The following SCML2 variants were observed in gnomAD, a reference collection of about 807,000 sequenced individuals.
SCML2 encodes the protein sex comb on midleg-like protein 2.
A neutral mutation model predicts 48.4 loss-of-function variants in SCML2; 6 were observed. The ratio of observed to expected loss-of-function variants is 0.12; its 90% CI spans 0.07 to 0.24. The LOEUF (loss-of-function observed/expected upper bound fraction) is 0.24. Among genes scored for constraint, SCML2 ranks in the 10% least tolerant of loss-of-function variants. The pLI, the probability that SCML2 is intolerant of heterozygous loss-of-function variation, is 1.00. For missense variants in SCML2, 377 were observed against 528.2 expected, an observed-to-expected ratio of 0.71 and a Z score of 2.81; for synonymous variants, 181 against 189.5, an observed-to-expected ratio of 0.95 and a Z score of 0.37.
At chrX:18,285,393 T>C (rs1376016474) in intron 7 of SCML2, among the ~76,000 whole-genome samples, 1 of 108,559 alleles carries the variant, frequency 9.2e-6, no homozygotes, top group African/African-American at 3.4e-5. Context: ...TGGAATCATA[T>C]CCTTTGCAGC....
chrX:18,307,218 T>C (rs2147524523), intron 6 of SCML2, among the ~76,000 whole-genome samples: 1 of 108,699 alleles, frequency 9.2e-6, no homozygotes. Context: ...CCGGAAGTCA[T>C]CCAGGCCGCG....
chrX:18,304,515 T>C (rs1182031411), intron 7 of SCML2, among the ~76,000 whole-genome samples: 1 of 112,247 alleles, frequency 8.9e-6, no homozygotes, highest in Non-Finnish European at 1.9e-5. Context: ...CTTAAGGCTA[T>C]CAAAGTGTCA....
At chrX:18,319,700 C>G in intron 6 of SCML2, among the ~76,000 whole-genome samples, 1 of 110,892 alleles carries the variant, frequency 9.0e-6, no homozygotes, top group Middle Eastern at 4.7e-3. Context: ...GCTATTGTTA[C>G]GAATTTAATT....
At chrX:18,343,844 G>A (rs1340498404) in intron 1 of SCML2, among the ~76,000 whole-genome samples, 5 of 102,225 alleles carry the variant, frequency 4.9e-5, no homozygotes, top group Admixed American at 3.2e-4. Flanking sequence ...CAGCACTATG[G>A]GAGGCTGAGG....
intron 7 of SCML2, among the ~76,000 whole-genome samples, chrX:18,270,227 C>T (rs2147486744): frequency 9.1e-6 from 1 of 109,981 alleles, no homozygotes; most frequent in South Asian, 3.9e-4. Context: ...TGGGTTTCAC[C>T]ATGTTAGTCA....
At chrX:18,287,129 C>T (rs1928080948) in intron 7 of SCML2, among the ~76,000 whole-genome samples, 1 of 111,500 alleles carries the variant, frequency 9.0e-6, no homozygotes, top group Non-Finnish European at 1.9e-5. Flanking sequence ...ATCAGTTTTA[C>T]AGTATTAAAA....
At chrX:18,285,125 C>A (rs942892628) in intron 7 of SCML2, among the ~76,000 whole-genome samples, 1 of 110,124 alleles carries the variant, frequency 9.1e-6, no homozygotes, top group African/African-American at 3.3e-5. Context: ...TAAATTAGTT[C>A]AGCCATTGTG....
At chrX:18,298,676 G>T (rs1282552193) in intron 7 of SCML2, among the ~76,000 whole-genome samples, 2 of 110,789 alleles carry the variant, frequency 1.8e-5, no homozygotes, top group Admixed American at 1.9e-4. Flanking sequence ...GGCCAACATG[G>T]GGAAACCCCG....
intron 3 of SCML2, among the ~76,000 whole-genome samples, chrX:18,329,770 T>C (rs1054206745): frequency 8.9e-6 from 1 of 112,600 alleles, no homozygotes; most frequent in South Asian, 3.7e-4. Flanking sequence ...ACTATCATTA[T>C]CCCTGTGTTA....
chrX:18,259,408 A>G (rs1336669867), intron 9 of SCML2, among the ~76,000 whole-genome samples: 1 of 112,267 alleles, frequency 8.9e-6, no homozygotes, highest in Non-Finnish European at 1.9e-5. Context: ...TATTTAGTAT[A>G]AGAAAACTGA....
At chrX:18,261,176 ATT>A (rs746249261) in intron 8 of SCML2, among the ~76,000 whole-genome samples, 2 of 100,828 alleles carry the variant, frequency 2.0e-5, no homozygotes, top group Non-Finnish European at 2.0e-5. Context: ...AAAAAATGTG[ATT>A]TTTTTTTTTT....
rs201778845 is a variant in SCML2 at position 18,328,103 on chromosome X, CT to C, written c.91+2483del. ...TATTCACATGTGCCCATGGTCTCTTCTTTTTTTATTTGTACTCTATTCTAGT... is the reference window on the plus strand; with the variant it reads ...TATTCACATGTGCCCATGGTCTCTTCTTTTTTATTTGTACTCTATTCTAGT... On this transcript the variant is annotated intron_variant, in intron 3 of 14. Transcript: ENST00000251900. 5.7e-3 allele frequency among the ~76,000 whole-genome samples: 636 copies of C among 111,156 alleles called. 3 individuals are homozygous for C. Among genetic ancestry groups the C allele is most frequent in the African/African-American group, 0.019 (587 of 30,554 alleles).
chrX:18,315,937 G>A (rs754312371), intron 6 of SCML2, among the ~76,000 whole-genome samples: 1 of 108,942 alleles, frequency 9.2e-6, no homozygotes, highest in Non-Finnish European at 1.9e-5. Flanking sequence ...TGTTATTTTA[G>A]GTTGACAGTC....
chrX:18,344,856 T>C, intron 1 of SCML2, among the ~76,000 whole-genome samples: 1 of 111,359 alleles, frequency 9.0e-6, no homozygotes, highest in Non-Finnish European at 1.9e-5. Flanking sequence ...AACGGATCCA[T>C]GAGGGCAGGA....
chrX:18,354,415 G>A (rs1230520152), intron 1 of SCML2, among the ~76,000 whole-genome samples, 177 bp downstream of exon 1: 1 of 111,804 alleles, frequency 8.9e-6, no homozygotes, highest in African/African-American at 3.2e-5. Context: ...GGCGCCGGGG[G>A]CGGGATACCC....
intron 7 of SCML2, among the ~76,000 whole-genome samples, chrX:18,283,006 C>T (rs764828211): frequency 3.7e-4 from 41 of 111,023 alleles, no homozygotes; most frequent in Non-Finnish European, 6.4e-4. Flanking sequence ...GAAAAAAAAA[C>T]TTCAGGCCAC....
At chrX:18,341,329 G>A (rs182636376) in intron 1 of SCML2, 150 of 411,831 alleles carry the variant, frequency 3.6e-4, no homozygotes, top group African/African-American at 3.4e-3. Context: ...AGCAGGAGAA[G>A]CGGGTGAAAT....
rs1311956710 is a variant in SCML2 at position 18,258,091 on chromosome X, A to G, written c.1226T>C (p.Val409Ala). 1 of 1,208,481 alleles carries G rather than the reference A, an allele frequency of 8.3e-7. No homozygotes were observed. The highest frequency in any genetic ancestry group is 1.8e-5 in the African/African-American group (1 of 56,837). The change falls in exon 10 of 15, where the codon GTT (valine) becomes GCT (alanine). Residue 409 changes from valine to alanine, a missense_variant. Physicochemically the swap from Val to Ala is moderately conservative, Grantham distance 64. Transcript: ENST00000251900. ...ATTATCTGGCTTCAGGTATCCAAAA[A>G]CAGTTTTAGTTTCAAGGGCACAATC... The part of the protein sequence containing the change: ...CVDCALETKT[V>A]FGYLKPDNRG...
chrX:18,289,643 AG>A (rs1386639438), intron 7 of SCML2, among the ~76,000 whole-genome samples: 1 of 112,362 alleles, frequency 8.9e-6, no homozygotes, highest in South Asian at 3.6e-4. Context: ...ACTGTTACAC[AG>A]AAAAATAAAA....
Sources: allele counts gnomAD v4.1 joint callset (sites outside exome capture counted in the v4.1 genomes callset), GRCh38; gene constraint gnomAD v4.1.1; transcripts MANE v1.5; gene names NCBI Gene and HGNC (gene_info 2026-07-23, HGNC 2026-07-21).